SEPTIN9: variants seen among roughly 807,000 people sequenced by gnomAD.
The protein encoded by SEPTIN9 is septin-9.
In SEPTIN9, 13 loss-of-function variants were observed where a neutral mutation model predicts 56.6. That is an observed-to-expected ratio of 0.23 (90% CI 0.15 to 0.37). SEPTIN9 has a LOEUF of 0.37. SEPTIN9 is among the 10% of genes least tolerant of loss of function. SEPTIN9 has a pLI of 1.00. For missense variants in SEPTIN9, 650 were observed against 823.1 expected (o/e 0.79, Z 2.57); for synonymous variants, 332 against 334.1 (o/e 0.99, Z 0.07).
rs374080377 is a variant in SEPTIN9 at position 77,402,270 on chromosome 17, G to A, written c.288G>A (p.Ser96=). Residue 96 remains serine, a synonymous_variant, in exon 3 of 12, where the codon TCG becomes TCA. Transcript: ENST00000427177. This position sits in a 1 kb window ranked among gnomAD's most constrained non-coding sequence, Gnocchi z 6.6. The part of the protein sequence containing the change: ...PKASLRRVEL[S]GPKAAEPVSR... Reference sequence around the variant, plus strand: ...CGTCCCTGCGGAGGGTGGAGCTCTCGGGCCCCAAGGCGGCCGAGCCGGTGT... The same window carrying A: ...CGTCCCTGCGGAGGGTGGAGCTCTCAGGCCCCAAGGCGGCCGAGCCGGTGT... 14 of 1,612,380 alleles carry A rather than the reference G, an allele frequency of 8.7e-6. No individual in the cohort carries two copies. The Admixed American group carries it at 1.3e-4, about 15-fold the overall frequency.
intron 3 of SEPTIN9, among the ~76,000 whole-genome samples, chr17:77,410,261 C>T (rs2036245423): frequency 1.3e-5 from 2 of 152,176 alleles, no homozygotes; most frequent in Non-Finnish European, 2.9e-5. Flanking sequence ...ACTGGGTGTA[C>T]TCTGTGGAGC....
At chr17:77,332,904 T>A (rs944004116) in intron 2 of SEPTIN9, among the ~76,000 whole-genome samples, 1 of 152,240 alleles carries the variant, frequency 6.6e-6, no homozygotes, top group African/African-American at 2.4e-5. Flanking sequence ...ATCTGGAGGC[T>A]CTTATGAGTA....
At chr17:77,296,383 A>G (rs1224704172) in intron 1 of SEPTIN9, among the ~76,000 whole-genome samples, 1 of 152,182 alleles carries the variant, frequency 6.6e-6, no homozygotes, top group Non-Finnish European at 1.5e-5. Context: ...GCGGACAGAG[A>G]GAGAGAGAGA....
intron 3 of SEPTIN9, among the ~76,000 whole-genome samples, chr17:77,440,110 C>T (rs1303073241): frequency 1.3e-5 from 2 of 152,060 alleles, no homozygotes; most frequent in African/African-American, 4.8e-5. Flanking sequence ...TGGCACATTG[C>T]GACAAAACAC....
At position 77,496,821 on chromosome 17, in the gene SEPTIN9, GGGCC is replaced by G. The variant is rs2040284249; in HGVS notation, c.1574-492_1574-489del. On this transcript the variant is annotated intron_variant, in intron 10 of 11. Transcript: ENST00000427177. ...GCTCTGAGCGCACACAAGGTGGATG[GGGCC>G]GTGGGGGTAACACCCTGTGGGCCAC... is the stretch of plus-strand genomic sequence containing the variant. Among the ~76,000 whole-genome samples, 5 of 152,368 alleles carry G rather than the reference GGGCC, an allele frequency of 3.3e-5. No individual in the cohort carries two copies. The East Asian group carries it at 7.7e-4, about 23-fold the overall frequency.
rs1372693227 is a variant in SEPTIN9 at position 77,330,921 on chromosome 17, C to T, written c.76+23724C>T. 6.6e-6 allele frequency among the ~76,000 whole-genome samples: 1 copy of T among 152,270 alleles called. No homozygotes were observed. Among genetic ancestry groups the T allele is most frequent in the Non-Finnish European group, 1.5e-5 (1 of 68,048 alleles). ...ATTCACCCTGCCCAGCCCCACACAG[C>T]TTGTCCCTCCAGCTGGGAATCGGAG... On this transcript the variant is annotated intron_variant, in intron 2 of 11. Transcript: ENST00000427177. The surrounding 1 kb of genome is among the most constrained non-coding windows in gnomAD (Gnocchi z 4.4).
rs2037211477 is a variant in SEPTIN9, at chr17:77,433,219, T to C, written c.721+30516T>C. 6.6e-6 allele frequency among the ~76,000 whole-genome samples: 1 copy of C among 152,180 alleles called. No individual in the cohort carries two copies. The highest frequency in any genetic ancestry group is 1.5e-5 in the Non-Finnish European group (1 of 68,028). Reference sequence around the variant, plus strand: ...ACCATCTCCAGCCGTGGTGTCCCTCTCGGTCACAGGATGCTGCAGCCACGT... The same window carrying C: ...ACCATCTCCAGCCGTGGTGTCCCTCCCGGTCACAGGATGCTGCAGCCACGT... On this transcript the variant is annotated intron_variant, in intron 3 of 11. Transcript: ENST00000427177. This position sits in a 1 kb window ranked among gnomAD's most constrained non-coding sequence, Gnocchi z 6.4.
intron 2 of SEPTIN9, among the ~76,000 whole-genome samples, chr17:77,388,377 AC>A (rs1288331001): frequency 6.6e-6 from 1 of 150,924 alleles, no homozygotes. Context: ...CACACCCACC[AC>A]CCCCTTTTAC....
chr17:77,311,073 T>C (rs964862997), intron 2 of SEPTIN9, among the ~76,000 whole-genome samples: 1 of 152,066 alleles, frequency 6.6e-6, no homozygotes, highest in African/African-American at 2.4e-5. Context: ...CATTCTGGAT[T>C]AGGGTGGGCC....
chr17:77,388,027 T>A (rs1012171345), intron 2 of SEPTIN9, among the ~76,000 whole-genome samples: 1 of 151,974 alleles, frequency 6.6e-6, no homozygotes, highest in Non-Finnish European at 1.5e-5. Context: ...TCTCAGCGCC[T>A]ACTCCTCCCT....
intron 1 of SEPTIN9, among the ~76,000 whole-genome samples, chr17:77,301,167 A>G (rs1450814533): frequency 6.6e-6 from 1 of 152,082 alleles, no homozygotes; most frequent in Non-Finnish European, 1.5e-5. Context: ...GATGACCAGG[A>G]TGAGGGTCTC....
intron 5 of SEPTIN9, 148 bp from the exon 6 acceptor site, chr17:77,488,092 G>T (rs1325062520): frequency 2.8e-6 from 2 of 725,718 alleles, no homozygotes; most frequent in Admixed American, 4.2e-5. Context: ...GCCTGTGCCG[G>T]AGTTGGCTGA....
intron 3 of SEPTIN9, among the ~76,000 whole-genome samples, chr17:77,408,760 T>TGGG (rs1568045662): frequency 6.6e-6 from 1 of 151,658 alleles, no homozygotes; most frequent in African/African-American, 2.4e-5. Context: ...ACTGTGAAGT[T>TGGG]GGGGAGAGGG....
At chr17:77,490,447 G>A (rs2039976182) in intron 7 of SEPTIN9, among the ~76,000 whole-genome samples, 1 of 152,230 alleles carries the variant, frequency 6.6e-6, no homozygotes, top group Non-Finnish European at 1.5e-5. Context: ...GCCCTTCTGT[G>A]TGGACATGTA....
chr17:77,458,991 G>A (rs545833888), intron 3 of SEPTIN9, among the ~76,000 whole-genome samples: 19 of 152,328 alleles, frequency 1.2e-4, no homozygotes, highest in Non-Finnish European at 7.4e-5. Flanking sequence ...AGGTGGGCGT[G>A]GGGACAGAGG....
chr17:77,343,896 T>C (rs1411090173), intron 2 of SEPTIN9, among the ~76,000 whole-genome samples: 5 of 152,114 alleles, frequency 3.3e-5, no homozygotes, highest in African/African-American at 7.2e-5. Flanking sequence ...CTAAGGAGTA[T>C]AGAAAGAGCA....
At chr17:77,462,786 C>T (rs560558276) in intron 3 of SEPTIN9, among the ~76,000 whole-genome samples, 1 of 152,136 alleles carries the variant, frequency 6.6e-6, no homozygotes, top group East Asian at 1.9e-4. Flanking sequence ...CGACTACAGG[C>T]GTGTGCCACC....
chr17:77,436,941 G>A lies in SEPTIN9; in HGVS notation c.721+34238G>A, dbSNP rs917231142. On this transcript the variant is annotated intron_variant, in intron 3 of 11. Transcript: ENST00000427177. This position sits in a 1 kb window ranked among gnomAD's most constrained non-coding sequence, Gnocchi z 4.4. Reference sequence around the variant, plus strand: ...AGAAGCATTGTTTGGGGTGGTGAGTGGAAGATGCAGGACACAGATTCACGC... The same window carrying A: ...AGAAGCATTGTTTGGGGTGGTGAGTAGAAGATGCAGGACACAGATTCACGC... 6.6e-6 allele frequency among the ~76,000 whole-genome samples: 1 copy of A among 152,236 alleles called. No individual in the cohort carries two copies. Among genetic ancestry groups the A allele is most frequent in the Non-Finnish European group, 1.5e-5 (1 of 68,034 alleles).
intron 2 of SEPTIN9, among the ~76,000 whole-genome samples, chr17:77,358,137 A>G (rs2034311160): frequency 6.6e-6 from 1 of 152,178 alleles, no homozygotes; most frequent in Non-Finnish European, 1.5e-5. Flanking sequence ...CAAAAGTCCC[A>G]CTACCCAGTG....
Sources: allele counts gnomAD v4.1 joint callset (sites outside exome capture counted in the v4.1 genomes callset), GRCh38; gene constraint gnomAD v4.1.1; non-coding constraint Gnocchi (gnomAD v3.1); transcripts MANE v1.5; gene names NCBI Gene and HGNC (gene_info 2026-07-23, HGNC 2026-07-21).